The following OTOGL variants were observed in gnomAD, a reference collection of about 807,000 sequenced individuals.
OTOGL encodes otogelin-like protein.
A neutral mutation model predicts 318.5 loss-of-function variants in OTOGL; 285 were observed. The ratio of observed to expected loss-of-function variants is 0.89; its 90% CI spans 0.81 to 0.99. OTOGL has a LOEUF of 0.99. Ranked by LOEUF, OTOGL falls within the 50% of genes least tolerant of loss-of-function variation. OTOGL has a pLI of 0.00. For missense variants in OTOGL, 2,899 were observed against 2,845.6 expected, an observed-to-expected ratio of 1.02 and a Z score of -0.43; for synonymous variants, 987 against 936.5, an observed-to-expected ratio of 1.05 and a Z score of -0.99.
chr12:80,243,278 T>C (rs1162153451), intron 11 of OTOGL, among the ~76,000 whole-genome samples: 2 of 152,076 alleles, frequency 1.3e-5, no homozygotes, highest in Non-Finnish European at 2.9e-5. Context: ...TTAAATTTTC[T>C]TTAAAGTACT....
In OTOGL at chr12:80,338,178, A is replaced by G. The variant is rs374880221; in HGVS notation, c.4861-897A>G. ...TAATGTAATTACCTGCTGATTAGAA[A>G]GCAATAGGAGGAACAGTGATAGAAT... On this transcript the variant is annotated intron_variant, in intron 42 of 58. Coordinates refer to ENST00000547103, the MANE Select transcript of OTOGL (RefSeq NM_001378609.3). 3.6e-3 allele frequency among the ~76,000 whole-genome samples: 542 copies of G among 152,218 alleles called. 9 individuals are homozygous for G. The highest frequency in any genetic ancestry group is 0.012 in the African/African-American group (517 of 41,568).
At chr12:80,120,926 C>T (rs1870450960) in intron 1 of OTOGL, among the ~76,000 whole-genome samples, 1 of 152,172 alleles carries the variant, frequency 6.6e-6, no homozygotes, top group South Asian at 2.1e-4. Flanking sequence ...ACAACTGATT[C>T]CTTCCCCAAG....
At chr12:80,296,711 T>G (rs200525786) in intron 26 of OTOGL, 116 bp from the exon 27 acceptor site, 2 of 44,256 alleles carry the variant, frequency 4.5e-5, no homozygotes, top group Non-Finnish European at 8.7e-5. Context: ...TAGAGGTAAG[T>G]TGTTTTTCAG....
In OTOGL at chr12:80,243,864, TATATAC is replaced by T. The variant is rs112499390; in HGVS notation, c.1052+4426_1052+4431del. Among the ~76,000 whole-genome samples, 337 of 146,474 alleles carry T rather than the reference TATATAC, an allele frequency of 2.3e-3. 4 individuals are homozygous for T. Among genetic ancestry groups the T allele is most frequent in the African/African-American group, 8.2e-3 (322 of 39,088 alleles). On this transcript the variant is annotated intron_variant, in intron 11 of 58. Coordinates refer to ENST00000547103, the MANE Select transcript of OTOGL (RefSeq NM_001378609.3). ...ATAATCATATATACATATATATATA[TATATAC>T]GATTCCATTATTGATTTCTGCATTG...
chr12:80,163,182 G>T (rs1873631020), intron 1 of OTOGL, among the ~76,000 whole-genome samples: 1 of 151,730 alleles, frequency 6.6e-6, no homozygotes. Context: ...TGATGATAGG[G>T]CATTGTCTTA....
At chr12:80,202,264 T>C (rs1876508461) in intron 1 of OTOGL, among the ~76,000 whole-genome samples, 1 of 119,106 alleles carries the variant, frequency 8.4e-6, no homozygotes, top group Admixed American at 1.2e-4. Context: ...TAGTATCTTT[T>C]CTTTAATTTT....
intron 44 of OTOGL, among the ~76,000 whole-genome samples, chr12:80,344,734 A>G (rs1889049614): frequency 1.3e-5 from 2 of 152,000 alleles, no homozygotes; most frequent in South Asian, 2.1e-4. Context: ...TTGGCTCAAG[A>G]GGTTTCTTCA....
In OTOGL at chr12:80,233,094, C is replaced by T. The variant is rs1272784857; in HGVS notation, c.814C>T (p.Gln272Ter). ...DIQSDDFIIL[Q>*]EDYTEDIAMF... ...TCAATCTGATGATTTCATAATTCTG[C>T]AAGGTAAGTGAAGCAGAATAAATGT... is the stretch of plus-strand genomic sequence containing the variant. Residue 272 changes from glutamine to a stop codon, truncating the protein, a stop_gained, in exon 9 of 59, where the codon CAA (glutamine) becomes TAA (stop). Coordinates refer to ENST00000547103, the MANE Select transcript of OTOGL (RefSeq NM_001378609.3). LOFTEE classifies it high-confidence loss of function. The T allele has an allele frequency of 6.3e-7, 1 of 1,588,426 alleles. No individual in the cohort carries two copies. The highest frequency in any genetic ancestry group is 1.1e-5 in the South Asian group (1 of 90,594).
intron 1 of OTOGL, among the ~76,000 whole-genome samples, chr12:80,107,131 T>C (rs1192851825): frequency 6.6e-6 from 1 of 152,170 alleles, no homozygotes; most frequent in Non-Finnish European, 1.5e-5. Flanking sequence ...CTAGAATGGC[T>C]ATATTAGTTT....
At chr12:80,373,636 T>A (rs1891016597) in intron 57 of OTOGL, among the ~76,000 whole-genome samples, 1 of 151,278 alleles carries the variant, frequency 6.6e-6, no homozygotes, top group South Asian at 2.1e-4. Flanking sequence ...TATTAAAATA[T>A]TAATACAAAT....
Position 80,109,948 on chromosome 12 carries a change from C to T in OTOGL, c.-20+10343C>T, listed in dbSNP as rs181459281. 2.6e-5 allele frequency among the ~76,000 whole-genome samples: 4 copies of T among 152,044 alleles called. No individual in the cohort carries two copies. The East Asian group carries it at 7.7e-4, about 29-fold the overall frequency. On this transcript the variant is annotated intron_variant, in intron 1 of 58. Transcript: ENST00000547103. ...TAATACTTAAATTTTTTAAATTATA[C>T]CTTAAGTTCTGGGATACATGTGCAG... is the stretch of plus-strand genomic sequence containing the variant.
rs1888789381 is a variant in OTOGL, at chr12:80,341,881, C to G, written c.5051-67C>G. The G allele has an allele frequency of 7.0e-6, 7 of 1,005,622 alleles. No individual in the cohort carries two copies. In the South Asian group the frequency reaches 1.2e-4, roughly 17 times the overall value. 62.3% of individuals were successfully genotyped at this position (1,005,622 alleles called of 1,614,324 possible). A position where few individuals can be genotyped will look rare whatever the true frequency, so the allele number is the denominator to read the frequency against. ...TGTTCATTTAAAATCAATTATTTAA[C>G]TGATTTAGTTGTGCTGTCTACATTA... is the stretch of plus-strand genomic sequence containing the variant. On this transcript the variant is annotated intron_variant, in intron 43 of 58. Transcript: ENST00000547103.
At chr12:80,289,876 G>GT (rs1392317556) in intron 26 of OTOGL, among the ~76,000 whole-genome samples, 1 of 152,122 alleles carries the variant, frequency 6.6e-6, no homozygotes, top group African/African-American at 2.4e-5. Context: ...TGGCTTCCTG[G>GT]CTTCAACCCC....
At chr12:80,254,928 C>A in intron 15 of OTOGL, 112 bp from the exon 16 acceptor site, 1 of 924,796 alleles carries the variant, frequency 1.1e-6, no homozygotes, top group Non-Finnish European at 1.5e-6. Flanking sequence ...TGATTATTTA[C>A]CCTAAGTTGA....
At chr12:80,115,579 T>G (rs1592463824) in intron 1 of OTOGL, among the ~76,000 whole-genome samples, 1 of 152,196 alleles carries the variant, frequency 6.6e-6, no homozygotes, top group Admixed American at 6.5e-5. Flanking sequence ...AGCACTGTGC[T>G]GGGAAATCCA....
rs35975748 is a variant in OTOGL, at chr12:80,226,177, AACACACACACACACACAC to A, written c.490-3051_490-3034del. Among the ~76,000 whole-genome samples the A allele has an allele frequency of 2.1e-3, 285 of 132,956 alleles. 2 individuals are homozygous for A. Among genetic ancestry groups the A allele is most frequent in the African/African-American group, 7.1e-3 (255 of 35,682 alleles). 87.2% of individuals were successfully genotyped at this position (132,956 alleles called of 152,430 possible). A position where few individuals can be genotyped will look rare whatever the true frequency, so the allele number is the denominator to read the frequency against. On this transcript the variant is annotated intron_variant, in intron 7 of 58. Coordinates refer to ENST00000547103, the MANE Select transcript of OTOGL (RefSeq NM_001378609.3). ...TAGTTATGCCACCCTTCCTGCTCCT[AACACACACACACACACAC>A]ACACACACACACACACACACACACA... is the stretch of plus-strand genomic sequence containing the variant.
intron 3 of OTOGL, among the ~76,000 whole-genome samples, chr12:80,211,405 G>A (rs1380735475): frequency 6.6e-6 from 1 of 152,018 alleles, no homozygotes; most frequent in Non-Finnish European, 1.5e-5. Flanking sequence ...AAAATAAAAT[G>A]TTTATTGATA....
At chr12:80,356,340 G>A (rs559347610) in intron 47 of OTOGL, 76 bp from the exon 48 acceptor site, 3 of 1,090,460 alleles carry the variant, frequency 2.8e-6, no homozygotes, top group East Asian at 2.5e-5. Flanking sequence ...TCTTGAGTTG[G>A]CAGTCATTTC....
chr12:80,152,971 G>A (rs557242555), intron 1 of OTOGL, among the ~76,000 whole-genome samples: 2 of 152,300 alleles, frequency 1.3e-5, no homozygotes, highest in South Asian at 4.1e-4. Flanking sequence ...TGGGATTACA[G>A]GCATGAGCAA....
Sources: gnomAD v4.1 joint callset for allele counts (sites outside exome capture counted in the v4.1 genomes callset) on GRCh38, gnomAD v4.1.1 for gene constraint, MANE v1.5 for transcripts, NCBI Gene and HGNC (gene_info 2026-07-23, HGNC 2026-07-21) for gene names.